Variants in MAGI2 observed in about 807,000 individuals in gnomAD.
The protein encoded by MAGI2 is membrane-associated guanylate kinase, WW and PDZ domain-containing protein 2.
Under a neutral mutation model 133.3 loss-of-function variants are expected in MAGI2, and 35 were observed. The ratio of observed to expected loss-of-function variants is 0.26; its 90% CI spans 0.20 to 0.35. The LOEUF (loss-of-function observed/expected upper bound fraction) is 0.35, where lower values mean the gene tolerates loss of function less well. Among genes scored for constraint, MAGI2 ranks in the 10% least tolerant of loss-of-function variants. The pLI is 1.00. For missense variants in MAGI2, 1,636 were observed against 1,863.4 expected (o/e 0.88, Z 2.25); for synonymous variants, 729 against 710.6 (o/e 1.03, Z -0.41).
intron 3 of MAGI2, among the ~76,000 whole-genome samples, chr7:78,544,764 G>A (rs1191227337): frequency 6.6e-6 from 1 of 152,036 alleles, no homozygotes; most frequent in Non-Finnish European, 1.5e-5. Context: ...AACCCGGGAG[G>A]TGGAGGTTGC....
intron 2 of MAGI2, among the ~76,000 whole-genome samples, chr7:78,674,499 A>G (rs1362902618): frequency 6.6e-6 from 1 of 152,124 alleles, no homozygotes; most frequent in East Asian, 1.9e-4. Flanking sequence ...TGGTAAATGT[A>G]TCTATTCTAT....
At chr7:79,274,930 T>G (rs941422096) in intron 1 of MAGI2, among the ~76,000 whole-genome samples, 2 of 152,202 alleles carry the variant, frequency 1.3e-5, no homozygotes, top group Non-Finnish European at 2.9e-5. Context: ...GCCCATATGA[T>G]ACAATGAACC....
At chr7:79,006,100 A>T (rs966900288) in intron 2 of MAGI2, among the ~76,000 whole-genome samples, 2 of 152,122 alleles carry the variant, frequency 1.3e-5, no homozygotes, top group Non-Finnish European at 2.9e-5. Context: ...TGTTTTCATT[A>T]TTTCAGTATA....
intron 9 of MAGI2, among the ~76,000 whole-genome samples, chr7:78,279,360 T>C (rs569936410): frequency 2.6e-5 from 4 of 152,178 alleles, no homozygotes; most frequent in Non-Finnish European, 5.9e-5. Context: ...CTAAGTCTCC[T>C]GCTTTGTAGG....
intron 2 of MAGI2, among the ~76,000 whole-genome samples, chr7:78,640,428 A>G (rs1471198954): frequency 6.6e-6 from 1 of 152,234 alleles, no homozygotes; most frequent in African/African-American, 2.4e-5. Flanking sequence ...AATTTTAAGG[A>G]AATTTTAAAA....
At chr7:78,574,462 A>C (rs1014390644) in intron 3 of MAGI2, among the ~76,000 whole-genome samples, 1 of 152,246 alleles carries the variant, frequency 6.6e-6, no homozygotes, top group African/African-American at 2.4e-5. Flanking sequence ...AGGAATAAGC[A>C]GAAATTAAAC....
chr7:79,353,589 G>C (rs767199461), intron 1 of MAGI2: 4 of 423,330 alleles, frequency 9.4e-6, no homozygotes, highest in Non-Finnish European at 1.9e-5. Context: ...CTGGAGCTCT[G>C]GTGATCTTCC....
chr7:79,422,094 CT>C (rs1278054481), intron 1 of MAGI2, among the ~76,000 whole-genome samples: 2 of 152,030 alleles, frequency 1.3e-5, no homozygotes, highest in African/African-American at 4.8e-5. Context: ...ACCAATCACA[CT>C]AAAGAAAATG....
chr7:78,790,993 T>G (rs1311416453), intron 2 of MAGI2, among the ~76,000 whole-genome samples: 2 of 152,282 alleles, frequency 1.3e-5, no homozygotes, highest in Non-Finnish European at 1.5e-5. Context: ...AAACAGTCTA[T>G]AAAACAAGAA....
intron 3 of MAGI2, among the ~76,000 whole-genome samples, chr7:78,561,726 C>A (rs1446396007): frequency 2.0e-5 from 3 of 152,050 alleles, no homozygotes; most frequent in East Asian, 1.9e-4. Context: ...CAGATTTCAA[C>A]CAACGCAGGA....
intron 3 of MAGI2, among the ~76,000 whole-genome samples, chr7:78,570,608 T>C (rs2150766698): frequency 6.6e-6 from 1 of 151,950 alleles, no homozygotes; most frequent in Middle Eastern, 3.4e-3. Context: ...GATAAAAACC[T>C]TTTTTTTCCT....
chr7:78,461,070 C>T (rs988221330), intron 6 of MAGI2, among the ~76,000 whole-genome samples: 23 of 152,118 alleles, frequency 1.5e-4, no homozygotes, highest in Middle Eastern at 3.4e-3. Flanking sequence ...TCTTTTCATC[C>T]CCCCATTGAG....
rs532537420 is a variant in MAGI2, at chr7:79,251,579, C to T, written c.301+201441G>A. ...AAAAGGCTTTTATAAAAAAGACAGA[C>T]AATAACAAATGCTGGTGAGGATGTG... is the stretch of plus-strand genomic sequence containing the variant. On this transcript the variant is annotated intron_variant, in intron 1 of 21. Transcript: ENST00000354212. Among the ~76,000 whole-genome samples, 37 of 152,124 alleles carry T rather than the reference C, an allele frequency of 2.4e-4. No individual in the cohort carries two copies. In the South Asian group the frequency reaches 7.7e-3, roughly 32 times the overall value.
intron 1 of MAGI2, among the ~76,000 whole-genome samples, chr7:79,013,957 A>T (rs1808435613): frequency 6.6e-6 from 1 of 152,202 alleles, no homozygotes; most frequent in Non-Finnish European, 1.5e-5. Context: ...TATTCATAAT[A>T]TTAGAGAGTA....
At chr7:78,500,808 G>A (rs1794553472) in intron 5 of MAGI2, among the ~76,000 whole-genome samples, 1 of 151,794 alleles carries the variant, frequency 6.6e-6, no homozygotes, top group African/African-American at 2.4e-5. Flanking sequence ...ATTTTTTTTG[G>A]CTGGGCGCAG....
At chr7:78,577,700 G>C (rs1242237845) in intron 3 of MAGI2, among the ~76,000 whole-genome samples, 5 of 152,028 alleles carry the variant, frequency 3.3e-5, no homozygotes, top group Non-Finnish European at 7.4e-5. Flanking sequence ...GGGAGCTTTT[G>C]AGCCAGGATG....
intron 1 of MAGI2, among the ~76,000 whole-genome samples, chr7:79,164,775 T>C (rs1019238768): frequency 9.2e-5 from 14 of 152,078 alleles, no homozygotes; most frequent in Admixed American, 2.6e-4. Context: ...TTGATTGATG[T>C]CTCATGCCTC....
At chr7:78,744,282 C>A (rs1822720659) in intron 2 of MAGI2, among the ~76,000 whole-genome samples, 1 of 152,096 alleles carries the variant, frequency 6.6e-6, no homozygotes, top group South Asian at 2.1e-4. Flanking sequence ...ATTTGAATAG[C>A]AATATCATCC....
intron 3 of MAGI2, among the ~76,000 whole-genome samples, chr7:78,607,756 T>C (rs962298927): frequency 1.1e-4 from 16 of 152,222 alleles, no homozygotes; most frequent in Non-Finnish European, 2.1e-4. Context: ...CTTTGTGCTC[T>C]ATGTTACATC....
Sources: allele counts gnomAD v4.1 joint callset (sites outside exome capture counted in the v4.1 genomes callset), GRCh38; gene constraint gnomAD v4.1.1; transcripts MANE v1.5; gene names NCBI Gene and HGNC (gene_info 2026-07-23, HGNC 2026-07-21).